NCKAP5: variants seen among roughly 807,000 people sequenced by gnomAD.
NCKAP5 encodes NCK associated protein 5.
A neutral mutation model predicts 167.0 loss-of-function variants in NCKAP5; 92 were observed. That is an observed-to-expected ratio of 0.55 (90% CI 0.47 to 0.66). The LOEUF (loss-of-function observed/expected upper bound fraction) is 0.66, where lower values mean the gene tolerates loss of function less well. Among genes scored for constraint, NCKAP5 ranks in the 30% least tolerant of loss-of-function variants. The probability of loss-of-function intolerance (pLI) is 0.00; values close to 1 mark genes in which losing one functional copy is unlikely to be tolerated. For synonymous variants in NCKAP5, 891 were observed against 877.4 expected (o/e 1.02, Z -0.27); for missense variants, 2,378 against 2,315.0 (o/e 1.03, Z -0.56).
intron 8 of NCKAP5, among the ~76,000 whole-genome samples, chr2:132,924,190 G>A (rs184380190): frequency 2.6e-5 from 4 of 152,186 alleles, no homozygotes; most frequent in African/African-American, 7.2e-5. Flanking sequence ...GACATTCTGC[G>A]AGTGAAAAAA....
intron 4 of NCKAP5, among the ~76,000 whole-genome samples, chr2:133,235,540 C>A (rs2087362650): frequency 2.0e-5 from 3 of 151,990 alleles, no homozygotes; most frequent in African/African-American, 7.2e-5. Context: ...AGTTCAAGAC[C>A]CAGACTGGGC....
intron 3 of NCKAP5, among the ~76,000 whole-genome samples, chr2:133,492,712 C>G (rs548413089): frequency 7.2e-5 from 11 of 152,286 alleles, no homozygotes; most frequent in Non-Finnish European, 1.6e-4. Flanking sequence ...AAGAAGAAAG[C>G]ATTTTCTGTT....
intron 4 of NCKAP5, among the ~76,000 whole-genome samples, chr2:133,251,658 G>C (rs1033954493): frequency 6.6e-6 from 1 of 152,138 alleles, no homozygotes; most frequent in Non-Finnish European, 1.5e-5. Flanking sequence ...TTATTTAATA[G>C]ATGTGAAGAT....
rs1305114152 is a variant in NCKAP5, at chr2:132,782,389, T to A, written c.4422A>T (p.Glu1474Asp). Reference protein sequence around the residue: ...SEAPLSPTIEEKVMLCIQENV... With the variant: ...SEAPLSPTIEDKVMLCIQENV... ...TTTCCTGAATGCACAACATGACCTTTTCTTCGATTGTGGGTGAGAGGGGGG... is the reference window on the plus strand; with the variant it reads ...TTTCCTGAATGCACAACATGACCTTATCTTCGATTGTGGGTGAGAGGGGGG... Residue 1474 changes from glutamate to aspartate, a missense_variant, in exon 14 of 20, where the codon GAA (glutamate) becomes GAT (aspartate). Transcript: ENST00000409261. 1 of 1,613,948 alleles carries A rather than the reference T, an allele frequency of 6.2e-7. No individual in the cohort carries two copies. Among genetic ancestry groups the A allele is most frequent in the African/African-American group, 1.3e-5 (1 of 74,946 alleles).
chr2:133,084,060 C>T (rs774524926), intron 6 of NCKAP5, among the ~76,000 whole-genome samples: 8 of 151,980 alleles, frequency 5.3e-5, no homozygotes, highest in African/African-American at 9.7e-5. Context: ...GCACAGAAAA[C>T]GGGGAAGGCA....
chr2:133,653,986 A>C, the NCKAP5 span, among the ~76,000 whole-genome samples: 9 of 152,146 alleles, frequency 5.9e-5, no homozygotes, highest in Admixed American at 1.3e-4. Context: ...AATTTGTTGA[A>C]GGTGAAATAT....
intron 3 of NCKAP5, among the ~76,000 whole-genome samples, chr2:133,328,144 A>ATTC (rs1682583035): frequency 6.6e-6 from 1 of 152,180 alleles, no homozygotes; most frequent in Non-Finnish European, 1.5e-5. Flanking sequence ...CCAGAGCTGT[A>ATTC]TTCTTTTCAT....
intron 19 of NCKAP5, among the ~76,000 whole-genome samples, chr2:132,715,387 TC>T (rs1689272305): frequency 6.6e-6 from 1 of 152,334 alleles, no homozygotes; most frequent in East Asian, 1.9e-4. Flanking sequence ...AGGGGCTCTT[TC>T]TAAATGTCTC....
chr2:133,028,469 G>A (rs1390844785), intron 6 of NCKAP5, among the ~76,000 whole-genome samples: 1 of 151,956 alleles, frequency 6.6e-6, no homozygotes, highest in Non-Finnish European at 1.5e-5. Flanking sequence ...ATTGCCATAG[G>A]TACCTCTAAG....
chr2:133,127,868 A>G (rs2082453507), intron 6 of NCKAP5, among the ~76,000 whole-genome samples: 1 of 152,120 alleles, frequency 6.6e-6, no homozygotes, highest in Admixed American at 6.5e-5. Context: ...GTAATAGCCT[A>G]TGAGGGGTGG....
intron 16 of NCKAP5, among the ~76,000 whole-genome samples, chr2:132,770,433 T>A (rs186450866): frequency 8.6e-4 from 128 of 148,118 alleles, no homozygotes; most frequent in African/African-American, 3.0e-3. Flanking sequence ...AGTATATATA[T>A]AATATATGGT....
At chr2:132,875,368 C>T (rs1030656232) in intron 9 of NCKAP5, among the ~76,000 whole-genome samples, 4 of 152,258 alleles carry the variant, frequency 2.6e-5, no homozygotes, top group Admixed American at 2.6e-4. Context: ...CTCACCTACC[C>T]GCTGCTCCTC....
At chr2:133,179,582 G>A (rs760668279) in intron 5 of NCKAP5, among the ~76,000 whole-genome samples, 13 of 152,134 alleles carry the variant, frequency 8.5e-5, no homozygotes, top group Non-Finnish European at 1.9e-4. Flanking sequence ...TCAATGAATA[G>A]TAATGAACAT....
chr2:132,785,081 A>T lies in NCKAP5; in HGVS notation c.1730T>A (p.Leu577His), dbSNP rs1683439251. 1 of 1,613,932 alleles carries T rather than the reference A, an allele frequency of 6.2e-7. No individual in the cohort carries two copies. The highest frequency in any genetic ancestry group is 8.5e-7 in the Non-Finnish European group (1 of 1,179,916). Residue 577 changes from leucine (L) to histidine (H), a missense_variant, in exon 14 of 20, where the codon CTC becomes CAC. Physicochemically the swap from Leu to His is moderately conservative, Grantham distance 99 (BLOSUM62 -3). Around this residue, in one of 3 missense-constraint regions of NCKAP5, gnomAD observed 1,049 missense variants for 1,023.4 expected, o/e 1.02. Transcript: ENST00000409261. ...GQGHGRMALN[L>H]QLSDTDDNET... Reference sequence around the variant, plus strand: ...ATTGTCATCAGTGTCTGAAAGCTGGAGGTTGAGAGCCATGCGGCCATGGCC... The same window carrying T: ...ATTGTCATCAGTGTCTGAAAGCTGGTGGTTGAGAGCCATGCGGCCATGGCC...
At chr2:133,016,437 G>A (rs1415705921) in intron 6 of NCKAP5, among the ~76,000 whole-genome samples, 1 of 152,176 alleles carries the variant, frequency 6.6e-6, no homozygotes, top group Non-Finnish European at 1.5e-5. Context: ...AAAATCTGAT[G>A]GAAACAAATC....
At chr2:132,954,031 G>T (rs1393105209) in intron 8 of NCKAP5, among the ~76,000 whole-genome samples, 3 of 152,234 alleles carry the variant, frequency 2.0e-5, no homozygotes, top group African/African-American at 7.2e-5. Flanking sequence ...GAGAGTTGGA[G>T]AAAGCTTTCT....
chr2:133,084,850 TAG>T (rs958828097), intron 6 of NCKAP5, among the ~76,000 whole-genome samples: 1 of 152,142 alleles, frequency 6.6e-6, no homozygotes, highest in African/African-American at 2.4e-5. Context: ...GTTTTTCATA[TAG>T]AGAGACTTCA....
At chr2:133,416,350 T>A (rs988192373) in intron 3 of NCKAP5, among the ~76,000 whole-genome samples, 2 of 152,184 alleles carry the variant, frequency 1.3e-5, no homozygotes, top group African/African-American at 2.4e-5. Flanking sequence ...GAGATACCCT[T>A]TGGATTTGTT....
intron 8 of NCKAP5, among the ~76,000 whole-genome samples, chr2:132,883,983 T>C (rs1692004810): frequency 6.6e-6 from 1 of 152,200 alleles, no homozygotes; most frequent in Non-Finnish European, 1.5e-5. Flanking sequence ...GGAAAAAGTC[T>C]GTTTGAGAGT....
Sources: allele counts gnomAD v4.1 joint callset (sites outside exome capture counted in the v4.1 genomes callset), GRCh38; gene constraint gnomAD v4.1.1; regional missense constraint gnomAD v4.1.1; transcripts MANE v1.5; gene names NCBI Gene and HGNC (gene_info 2026-07-23, HGNC 2026-07-21).